EFCAB6: variants seen among roughly 807,000 people sequenced by gnomAD.
The protein encoded by EFCAB6 is EF-hand calcium binding domain 6, also known as EF-hand calcium-binding domain-containing protein 6.
In EFCAB6, 156 loss-of-function variants were observed where a neutral mutation model predicts 169.8. The observed-to-expected ratio is 0.92, with a 90% CI of 0.81 to 1.05. The LOEUF is 1.05. Among genes scored for constraint, EFCAB6 ranks in the 50% least tolerant of loss-of-function variants. The pLI is 0.00. For missense variants in EFCAB6, 1,800 were observed against 1,829.1 expected (o/e 0.98, Z 0.29); for synonymous variants, 698 against 676.4 (o/e 1.03, Z -0.50).
chr22:43,609,721 T>A (rs531716780), intron 21 of EFCAB6, among the ~76,000 whole-genome samples: 1 of 152,216 alleles, frequency 6.6e-6, no homozygotes, highest in Non-Finnish European at 1.5e-5. Flanking sequence ...AAAGGTGTCA[T>A]TTTCTTTGTG....
intron 2 of EFCAB6, among the ~76,000 whole-genome samples, chr22:43,784,661 A>ACACATATATATGTG: frequency 1.5e-4 from 13 of 86,190 alleles, no homozygotes; most frequent in Non-Finnish European, 2.2e-4. Context: ...ATGTGTATAT[A>ACACATATATATGTG]TACATATACA....
intron 22 of EFCAB6, among the ~76,000 whole-genome samples, chr22:43,605,705 G>A (rs532960230): frequency 6.6e-6 from 1 of 152,132 alleles, no homozygotes; most frequent in Admixed American, 6.5e-5. Context: ...GGTGACAGCT[G>A]CACTGCATGA....
At chr22:43,643,346 A>G (rs1244306058) in intron 17 of EFCAB6, among the ~76,000 whole-genome samples, 1 of 152,270 alleles carries the variant, frequency 6.6e-6, no homozygotes, top group Non-Finnish European at 1.5e-5. Flanking sequence ...TCCACGGGAC[A>G]ACATTGTCTC....
At chr22:43,563,474 A>G (rs2049207772) in intron 26 of EFCAB6, among the ~76,000 whole-genome samples, 1 of 152,164 alleles carries the variant, frequency 6.6e-6, no homozygotes, top group Admixed American at 6.5e-5. Context: ...CTGAGGTGGG[A>G]GGATCACTTG....
intron 4 of EFCAB6, among the ~76,000 whole-genome samples, chr22:43,766,330 G>C (rs1448697972): frequency 6.6e-6 from 1 of 151,550 alleles, no homozygotes; most frequent in East Asian, 1.9e-4. Flanking sequence ...ACCACACCTG[G>C]CCCCCCTCAA....
chr22:43,590,038 G>T, intron 24 of EFCAB6, 36 bp downstream of exon 24: 1 of 1,595,740 alleles, frequency 6.3e-7, no homozygotes, highest in South Asian at 1.1e-5. Flanking sequence ...GTTTTTCAGG[G>T]CCATGAGAAA....
chr22:43,793,115 C>T (rs1200672335), intron 2 of EFCAB6, among the ~76,000 whole-genome samples: 4 of 151,624 alleles, frequency 2.6e-5, no homozygotes, highest in African/African-American at 9.8e-5. Context: ...AAATGCACTG[C>T]CTGTTGTGCA....
chr22:43,588,223 A>T (rs1043670545), intron 24 of EFCAB6, among the ~76,000 whole-genome samples: 3 of 152,144 alleles, frequency 2.0e-5, no homozygotes, highest in African/African-American at 4.8e-5. Flanking sequence ...TCTAATCTGC[A>T]CCTCAGTGCC....
At chr22:43,618,234 A>G (rs967492154) in intron 20 of EFCAB6, among the ~76,000 whole-genome samples, 4 of 148,668 alleles carry the variant, frequency 2.7e-5, no homozygotes, top group Admixed American at 6.8e-5. Flanking sequence ...GAAAGAAAGA[A>G]AGAGAGAGAA....
At chr22:43,640,403 AT>A (rs1179074927) in intron 17 of EFCAB6, among the ~76,000 whole-genome samples, 1 of 152,178 alleles carries the variant, frequency 6.6e-6, no homozygotes, top group Non-Finnish European at 1.5e-5. Context: ...TGCAGTTTAA[AT>A]TTCAGTTCAG....
intron 23 of EFCAB6, among the ~76,000 whole-genome samples, chr22:43,591,197 C>G (rs1357580830): frequency 6.7e-6 from 1 of 149,820 alleles, no homozygotes; most frequent in African/African-American, 2.4e-5. Flanking sequence ...GTGGCTCACG[C>G]CCACAATCCC....
intron 26 of EFCAB6, among the ~76,000 whole-genome samples, chr22:43,571,199 A>T (rs1049541089): frequency 6.6e-6 from 1 of 152,212 alleles, no homozygotes; most frequent in Non-Finnish European, 1.5e-5. Context: ...ATGGATTATG[A>T]GTAGGTGTAA....
intron 6 of EFCAB6, among the ~76,000 whole-genome samples, chr22:43,739,639 C>G (rs1261532258): frequency 6.6e-6 from 1 of 152,190 alleles, no homozygotes; most frequent in Non-Finnish European, 1.5e-5. Context: ...CCAAGCTGCT[C>G]TACCCACAGT....
At chr22:43,793,197 T>C (rs1395407630) in intron 2 of EFCAB6, among the ~76,000 whole-genome samples, 1 of 152,030 alleles carries the variant, frequency 6.6e-6, no homozygotes, top group African/African-American at 2.4e-5. Flanking sequence ...AAAAAAATAA[T>C]CATATGAAAA....
chr22:43,625,185 C>T (rs962011251), intron 20 of EFCAB6, among the ~76,000 whole-genome samples: 2 of 152,128 alleles, frequency 1.3e-5, no homozygotes, highest in Non-Finnish European at 2.9e-5. Flanking sequence ...CCAAGTGTCA[C>T]AACAGTCTGG....
intron 8 of EFCAB6, among the ~76,000 whole-genome samples, chr22:43,723,279 A>G (rs1452074103): frequency 2.0e-5 from 3 of 152,172 alleles, no homozygotes; most frequent in Admixed American, 6.5e-5. Context: ...TTGAACACAC[A>G]TGGATATAAG....
At chr22:43,600,722 G>T (rs1170918296) in intron 22 of EFCAB6, among the ~76,000 whole-genome samples, 1 of 152,032 alleles carries the variant, frequency 6.6e-6, no homozygotes, top group African/African-American at 2.4e-5. Flanking sequence ...GGAGTACAGT[G>T]GTGCGAGCTG....
chr22:43,692,867 T>C (rs1267809744), intron 10 of EFCAB6, among the ~76,000 whole-genome samples: 1 of 152,072 alleles, frequency 6.6e-6, no homozygotes, highest in Non-Finnish European at 1.5e-5. Context: ...ATTAAAGATA[T>C]ACATTTACAG....
chr22:43,561,047 G>A (rs1212774377), intron 26 of EFCAB6, among the ~76,000 whole-genome samples: 1 of 152,144 alleles, frequency 6.6e-6, no homozygotes, highest in Non-Finnish European at 1.5e-5. Context: ...GAAGTATTGC[G>A]TGTTCACTAT....
Sources: gnomAD v4.1 joint callset for allele counts (sites outside exome capture counted in the v4.1 genomes callset) on GRCh38, gnomAD v4.1.1 for gene constraint, MANE v1.5 for transcripts, NCBI Gene and HGNC (gene_info 2026-07-23, HGNC 2026-07-21) for gene names.